The following MYH4 variants were observed in gnomAD, a reference collection of about 807,000 sequenced individuals.
MYH4 encodes myosin-4.
Under a neutral mutation model 229.9 loss-of-function variants are expected in MYH4, and 200 were observed. That is an observed-to-expected ratio of 0.87 (90% CI 0.78 to 0.98). The LOEUF (loss-of-function observed/expected upper bound fraction) is 0.98. MYH4 is among the 50% of genes least tolerant of loss of function. The pLI is 0.00. For synonymous variants in MYH4, 761 were observed against 834.6 expected, an observed-to-expected ratio of 0.91 and a Z score of 1.52; for missense variants, 2,148 against 2,332.6, an observed-to-expected ratio of 0.92 and a Z score of 1.63.
At chr17:10,453,127 GAA>G in intron 24 of MYH4, 23 bp downstream of exon 24, 1 of 1,613,788 alleles carries the variant, frequency 6.2e-7, no homozygotes, top group Non-Finnish European at 8.5e-7. Context: ...ATTGCAAGGG[GAA>G]ACATTTTCTT....
rs998121646 is a variant in MYH4 at position 10,452,826 on chromosome 17, G to A, written c.3218C>T (p.Thr1073Ile). Residue 1073 changes from threonine (T) to isoleucine (I), a missense_variant, in exon 25 of 40, where the codon ACA becomes ATA. Transcript: ENST00000255381. ...ATTAAGTTGCTGTTTGTCATTTTCTGTATCCATTGTGGATTCTTGGGCCAA... is the reference window on the plus strand; with the variant it reads ...ATTAAGTTGCTGTTTGTCATTTTCTATATCCATTGTGGATTCTTGGGCCAA... ...LKLAQESTMD[T>I]ENDKQQLNEK... 7 of 1,609,444 alleles carry A rather than the reference G, an allele frequency of 4.3e-6. No homozygotes were observed. In the African/African-American group the frequency reaches 6.7e-5, roughly 15 times the overall value.
rs1272684999 is a variant in MYH4, at chr17:10,457,468, T to C, written c.1849A>G (p.Met617Val). The C allele has an allele frequency of 1.9e-6, 3 of 1,613,590 alleles. No individual in the cohort carries two copies. The highest frequency in any genetic ancestry group is 2.2e-5 in the East Asian group (1 of 44,874). ...GAGAAGAGGAAAGCCAGAGTCTTCA[T>C]TGCAGACTTCTGGTACAGCCCCACC... Reference protein sequence around the residue: ...TVVGLYQKSAMKTLAFLFSGA... With the variant: ...TVVGLYQKSAVKTLAFLFSGA... The change falls in exon 16 of 40, where the codon ATG becomes GTG. Residue 617 changes from methionine (M) to valine (V), a missense_variant. By Grantham distance (21) the Met-to-Val change is conservative. Coordinates refer to ENST00000255381, the MANE Select transcript of MYH4 (RefSeq NM_017533.2).
chr17:10,452,409 A>C lies in MYH4; in HGVS notation c.3348+7T>G. 6.2e-7 allele frequency: 1 copy of C among 1,614,146 alleles called. No homozygotes were observed. Among genetic ancestry groups the C allele is most frequent in the Non-Finnish European group, 8.5e-7 (1 of 1,180,010 alleles). On this transcript the variant is annotated splice_region_variant and intron_variant, in intron 26 of 39. Transcript: ENST00000255381. ...AATGCCCAGAAAAGGTGGAGGTTAT[A>C]ACTTACCTGTAATTCTTTGATCTTC...
At chr17:10,447,290 C>G in intron 34 of MYH4, 74 bp from the exon 35 acceptor site, 1 of 1,303,706 alleles carries the variant, frequency 7.7e-7, no homozygotes, top group South Asian at 1.3e-5. Context: ...CATGTACACT[C>G]TTTGATCTTA....
intron 11 of MYH4, among the ~76,000 whole-genome samples, chr17:10,461,915 A>G (rs192027321): frequency 8.5e-5 from 13 of 152,330 alleles, no homozygotes; most frequent in African/African-American, 3.1e-4. Context: ...ACCTATTTAC[A>G]GAAACTAGAC....
intron 34 of MYH4, among the ~76,000 whole-genome samples, chr17:10,447,417 C>G (rs2072524083): frequency 6.6e-6 from 1 of 152,112 alleles, no homozygotes; most frequent in African/African-American, 2.4e-5. Context: ...ATTTTAGACC[C>G]TGAATCATTA....
chr17:10,466,497 C>A (rs772351632), intron 3 of MYH4, 45 bp downstream of exon 3: 2 of 1,613,402 alleles, frequency 1.2e-6, no homozygotes, highest in Non-Finnish European at 1.7e-6. Context: ...CTAAATTAAC[C>A]CAAAATGAGG....
chr17:10,447,796 A>G (rs2142210975), intron 34 of MYH4, 22 bp downstream of exon 34: 2 of 1,583,760 alleles, frequency 1.3e-6, no homozygotes, highest in Non-Finnish European at 1.7e-6. Context: ...GTACAACACT[A>G]TGTGTATTTA....
At chr17:10,450,201 A>G (rs1357025592) in intron 30 of MYH4, among the ~76,000 whole-genome samples, 1 of 152,190 alleles carries the variant, frequency 6.6e-6, no homozygotes, top group Non-Finnish European at 1.5e-5. Flanking sequence ...GATAATTAAT[A>G]ATCCATCTTG....
In MYH4 at chr17:10,448,124, T is replaced by G. The variant is rs918259999; in HGVS notation, c.4659A>C (p.Ala1553=). 6.2e-7 allele frequency: 1 copy of G among 1,604,272 alleles called. No individual in the cohort carries two copies. The highest frequency in any genetic ancestry group is 8.5e-7 in the Non-Finnish European group (1 of 1,175,796). Residue 1553 remains alanine, a splice_region_variant and synonymous_variant, in exon 34 of 40, where the codon GCA becomes GCC. Transcript: ENST00000255381. Reference sequence around the variant, plus strand: ...TTTTGCCTTCTTCATGCTCAAGAGATGCCTTAATAAAAGCAACATTTATTT... The same window carrying G: ...TTTTGCCTTCTTCATGCTCAAGAGAGGCCTTAATAAAAGCAACATTTATTT... ...ELQTSLEEAE[A]SLEHEEGKIL... is the part of the protein sequence containing the mutation.
chr17:10,464,748 A>C, intron 5 of MYH4, 40 bp from the exon 6 acceptor site: 1 of 1,596,504 alleles, frequency 6.3e-7, no homozygotes, highest in East Asian at 2.2e-5. Context: ...AGAAAAACAC[A>C]CTTAACACAT....
chr17:10,455,339 GA>G (rs746371296), intron 19 of MYH4, 44 bp from the exon 20 acceptor site: 12 of 1,566,254 alleles, frequency 7.7e-6, no homozygotes, highest in African/African-American at 1.4e-5. Flanking sequence ...TTTCTTCACT[GA>G]AAAAAACAGT....
chr17:10,460,402 G>T, intron 12 of MYH4, 81 bp from the exon 13 acceptor site: 2 of 1,164,752 alleles, frequency 1.7e-6, no homozygotes, highest in Non-Finnish European at 2.4e-6. Flanking sequence ...AAAGAAAAAA[G>T]GTTTCACTCA....
At position 10,456,479 on chromosome 17, in the gene MYH4, C is replaced by G; in HGVS notation, c.1968+6G>C. The G allele has an allele frequency of 6.2e-7, 1 of 1,610,156 alleles. No individual in the cohort carries two copies. Among genetic ancestry groups the G allele is most frequent in the South Asian group, 1.1e-5 (1 of 90,876 alleles). ...TATTTATCTGTAATTCAAGAATATA[C>G]TGTACCCTGAAAAGAGCTGACACTG... On this transcript the variant is annotated splice_donor_region_variant and intron_variant, in intron 17 of 39. Coordinates refer to ENST00000255381, the MANE Select transcript of MYH4 (RefSeq NM_017533.2).
At chr17:10,463,294 C>T (rs2072721979) in intron 9 of MYH4, 44 bp downstream of exon 9, 1 of 1,559,398 alleles carries the variant, frequency 6.4e-7, no homozygotes, top group South Asian at 1.2e-5. Context: ...TAATATGTAC[C>T]CACAAAGAAA....
intron 29 of MYH4, 55 bp from the exon 30 acceptor site, chr17:10,450,704 T>G: frequency 6.2e-7 from 1 of 1,610,752 alleles, no homozygotes; most frequent in Non-Finnish European, 8.5e-7. Flanking sequence ...ATTGAAATTC[T>G]CTATGCAAAG....
Position 10,452,254 on chromosome 17 carries a change from T to A in MYH4, c.3425A>T (p.Asp1142Val). ...SRAKAEKQRSDLSRELEEISE... is the reference protein window; with the variant it reads ...SRAKAEKQRSVLSRELEEISE... ...GATCTCCTCCAGCTCCCGGGAGAGG[T>A]CAGAGCGCTGCTTCTCTGCTTTGGC... is the stretch of plus-strand genomic sequence containing the variant. The change falls in exon 27 of 40, where the codon GAC becomes GTC. Residue 1142 changes from aspartate (D) to valine (V), a missense_variant. Transcript: ENST00000255381. The A allele has an allele frequency of 6.2e-7, 1 of 1,613,816 alleles. No individual in the cohort carries two copies. Among genetic ancestry groups the A allele is most frequent in the South Asian group, 1.1e-5 (1 of 91,066 alleles).
Position 10,452,853 on chromosome 17 carries a change from T to A in MYH4, c.3191A>T (p.Lys1064Ile), listed in dbSNP as rs1338591164. ...ATCCATTGTGGATTCTTGGGCCAAT[T>A]TTAGGTCACCCTCCAGTTTTCTCTT... ...RAKRKLEGDLKLAQESTMDTE... is the reference protein window; with the variant it reads ...RAKRKLEGDLILAQESTMDTE... The change falls in exon 25 of 40, where the codon AAA becomes ATA. Residue 1064 changes from lysine to isoleucine, a missense_variant. By Grantham distance (102) the Lys-to-Ile change is moderately radical. Transcript: ENST00000255381. 6.2e-7 allele frequency: 1 copy of A among 1,608,978 alleles called. No individual in the cohort carries two copies. The highest frequency in any genetic ancestry group is 1.7e-5 in the Admixed American group (1 of 58,532).
rs267604705 is a variant in MYH4 at position 10,455,266 on chromosome 17, G to C, written c.2204C>G (p.Pro735Arg). 3.7e-6 allele frequency: 6 copies of C among 1,613,814 alleles called. No individual in the cohort carries two copies. In the African/African-American group the frequency reaches 6.7e-5, roughly 18 times the overall value. The change falls in exon 20 of 40, where the codon CCA (proline) becomes CGA (arginine). Residue 735 changes from proline (P) to arginine (R), a missense_variant. Pro to Arg is a moderately radical substitution (Grantham distance 103). Transcript: ENST00000255381. Reference protein sequence around the residue: ...RYKVLNASAIPEGQFIDSKKA... With the variant: ...RYKVLNASAIREGQFIDSKKA... Reference sequence around the variant, plus strand: ...CTTGCTGTCAATGAACTGACCCTCTGGGATAGCACTCGCATTTAGAACCTT... The same window carrying C: ...CTTGCTGTCAATGAACTGACCCTCTCGGATAGCACTCGCATTTAGAACCTT...
Sources: gnomAD v4.1 joint callset for allele counts (sites outside exome capture counted in the v4.1 genomes callset) on GRCh38, gnomAD v4.1.1 for gene constraint, MANE v1.5 for transcripts, NCBI Gene and HGNC (gene_info 2026-07-23, HGNC 2026-07-21) for gene names.